Variants in SEL1L3 observed in about 807,000 individuals in gnomAD.
SEL1L3 encodes the protein protein sel-1 homolog 3.
A neutral mutation model predicts 142.8 loss-of-function variants in SEL1L3; 76 were observed. The ratio of observed to expected loss-of-function variants is 0.53; its 90% CI spans 0.44 to 0.64. The LOEUF (loss-of-function observed/expected upper bound fraction) is 0.64, where lower values mean the gene tolerates loss of function less well. Among genes scored for constraint, SEL1L3 ranks in the 30% least tolerant of loss-of-function variants. SEL1L3 has a pLI of 0.00. For synonymous variants in SEL1L3, 504 were observed against 519.6 expected (o/e 0.97, Z 0.41); for missense variants, 1,262 against 1,381.7 (o/e 0.91, Z 1.37).
At chr4:25,743,500 C>T (rs908470167), downstream of SEL1L3, among the ~76,000 whole-genome samples, 3 of 152,116 alleles carry the variant, frequency 2.0e-5, no homozygotes, top group African/African-American at 4.8e-5. Context: ...CCAAGGTGGT[C>T]AGGGCACAGC....
the SEL1L3 span, among the ~76,000 whole-genome samples, chr4:25,716,240 T>A: frequency 6.6e-6 from 1 of 152,066 alleles, no homozygotes; most frequent in Non-Finnish European, 1.5e-5. Context: ...AGAAGAAATG[T>A]AAATGGCCAA....
chr4:25,733,589 C>T, the SEL1L3 span, among the ~76,000 whole-genome samples: 4 of 143,860 alleles, frequency 2.8e-5, no homozygotes, highest in Non-Finnish European at 6.0e-5. Context: ...GGCGCAATCT[C>T]GGCTCACTGC....
At chr4:25,819,760 T>G (rs1456729215) in intron 8 of SEL1L3, 48 bp downstream of exon 8, 1 of 1,558,324 alleles carries the variant, frequency 6.4e-7, no homozygotes, top group Non-Finnish European at 8.7e-7. Context: ...CATGTGTTTA[T>G]GTAAATGCAC....
chr4:25,790,476 G>C lies in SEL1L3; in HGVS notation c.2055C>G (p.Thr685=), dbSNP rs530858053. 1 of 1,613,670 alleles carries C rather than the reference G, an allele frequency of 6.2e-7. No homozygotes were observed. Among genetic ancestry groups the C allele is most frequent in the East Asian group, 2.2e-5 (1 of 44,856 alleles). Residue 685 remains threonine (T), a synonymous_variant, in exon 12 of 24, where the codon ACC becomes ACG. Coordinates refer to ENST00000399878, the MANE Select transcript of SEL1L3 (RefSeq NM_015187.5). ...TTACCTGAGCTGCTGCATTGCCTCGGGTAGCTTCATGCTTCAACCACATAA... is the reference window on the plus strand; with the variant it reads ...TTACCTGAGCTGCTGCATTGCCTCGCGTAGCTTCATGCTTCAACCACATAA... ...DVFMWLKHEA[T]RGNAAAQQRL... is the part of the protein sequence containing the mutation.
rs369408131 is a variant in SEL1L3, at chr4:25,802,349, C to T, written c.1890G>A (p.Ser630=). ...IDNYPLDWEL[S]YAYYSNIATK... ...TGGCAATGTTGCTGTAGTAGGCATACGACAGTTCCCAGTCCAGGGGGTAGT... is the reference window on the plus strand; with the variant it reads ...TGGCAATGTTGCTGTAGTAGGCATATGACAGTTCCCAGTCCAGGGGGTAGT... The change falls in exon 11 of 24, where the codon TCG becomes TCA. Residue 630 remains serine (S), a synonymous_variant. Coordinates refer to ENST00000399878, the MANE Select transcript of SEL1L3 (RefSeq NM_015187.5). The T allele has an allele frequency of 6.2e-5, 100 of 1,613,652 alleles. No homozygotes were observed. Among genetic ancestry groups the T allele is most frequent in the African/African-American group, 4.8e-4 (36 of 74,872 alleles).
intron 11 of SEL1L3, among the ~76,000 whole-genome samples, chr4:25,796,693 G>A (rs1218670841): frequency 6.6e-6 from 1 of 151,794 alleles, no homozygotes; most frequent in African/African-American, 2.4e-5. Flanking sequence ...TTGGAAGGCT[G>A]AGGTATGAGC....
chr4:25,757,998 T>G, intron 21 of SEL1L3: 1 of 584,484 alleles, frequency 1.7e-6, no homozygotes, highest in Non-Finnish European at 3.1e-6. Flanking sequence ...CCAGTAGAAA[T>G]TTTAGAAAAA....
intron 11 of SEL1L3, among the ~76,000 whole-genome samples, chr4:25,794,494 G>A (rs189713571): frequency 6.6e-6 from 1 of 152,212 alleles, no homozygotes; most frequent in African/African-American, 2.4e-5. Flanking sequence ...TCTCATGCCA[G>A]GTAGATAGTG....
intron 5 of SEL1L3, among the ~76,000 whole-genome samples, chr4:25,830,977 G>A (rs778485973): frequency 6.6e-6 from 1 of 152,196 alleles, no homozygotes; most frequent in Non-Finnish European, 1.5e-5. Context: ...TGGGTGGGAA[G>A]CATTATGTGT....
intron 11 of SEL1L3, among the ~76,000 whole-genome samples, chr4:25,797,193 C>CAAAAA (rs112741935): frequency 7.1e-6 from 1 of 140,854 alleles, no homozygotes; most frequent in Non-Finnish European, 1.5e-5. Flanking sequence ...AAAGGAAGAC[C>CAAAAA]AAAAAAAAAA....
chr4:25,814,966 C>A (rs936437677), intron 9 of SEL1L3, among the ~76,000 whole-genome samples: 2 of 152,132 alleles, frequency 1.3e-5, no homozygotes, highest in Non-Finnish European at 1.5e-5. Context: ...CTCCCCAGTC[C>A]TTCCAATGTG....
At chr4:25,824,807 C>T (rs901051447) in intron 6 of SEL1L3, among the ~76,000 whole-genome samples, 1 of 152,184 alleles carries the variant, frequency 6.6e-6, no homozygotes, top group Admixed American at 6.5e-5. Flanking sequence ...GAAGAAAGAG[C>T]TCTTCTTTCT....
intron 6 of SEL1L3, among the ~76,000 whole-genome samples, chr4:25,825,033 A>C (rs1242180441): frequency 6.6e-6 from 1 of 152,214 alleles, no homozygotes; most frequent in Non-Finnish European, 1.5e-5. Flanking sequence ...ATTTGTACTC[A>C]AAAGAAGGCC....
chr4:25,825,555 G>A (rs1247301096), intron 6 of SEL1L3, among the ~76,000 whole-genome samples: 1 of 152,012 alleles, frequency 6.6e-6, no homozygotes, highest in Non-Finnish European at 1.5e-5. Context: ...AATAGCTCCA[G>A]CTTGAAGTTT....
intron 23 of SEL1L3, chr4:25,756,224 C>A: frequency 3.0e-6 from 3 of 985,356 alleles, no homozygotes; most frequent in Non-Finnish European, 3.6e-6. Flanking sequence ...AGTTATTATA[C>A]CCTTTTGTAG....
chr4:25,724,712 T>G, the SEL1L3 span, among the ~76,000 whole-genome samples: 98,083 of 127,624 alleles, frequency 0.77, 37,727 homozygotes, highest in African/African-American at 0.86. Flanking sequence ...ACTCCAGCCT[T>G]GGCGACAGAG....
intron 1 of SEL1L3, among the ~76,000 whole-genome samples, chr4:25,858,763 A>G (rs1219474851): frequency 6.6e-6 from 1 of 151,748 alleles, no homozygotes; most frequent in Non-Finnish European, 1.5e-5. Context: ...TTTTTGTATT[A>G]TTAGTAGAGA....
chr4:25,761,417 A>C (rs1442582589), intron 20 of SEL1L3, among the ~76,000 whole-genome samples: 1 of 152,142 alleles, frequency 6.6e-6, no homozygotes, highest in Non-Finnish European at 1.5e-5. Context: ...TGGCCTCCCA[A>C]AGTGCTGGCA....
chr4:25,862,609 CCG>C, intron 1 of SEL1L3, 64 bp downstream of exon 1: 1 of 900,380 alleles, frequency 1.1e-6, no homozygotes, highest in South Asian at 4.7e-5. Flanking sequence ...GTGTCCCCGG[CCG>C]CCCCCACCCG....
Sources: gnomAD v4.1 joint callset for allele counts (sites outside exome capture counted in the v4.1 genomes callset) on GRCh38, gnomAD v4.1.1 for gene constraint, MANE v1.5 for transcripts, NCBI Gene and HGNC (gene_info 2026-07-23, HGNC 2026-07-21) for gene names.